Variants in KIAA1217 observed in about 807,000 individuals in gnomAD.
KIAA1217 encodes the protein sickle tail protein homolog.
In KIAA1217, 88 loss-of-function variants were observed where a neutral mutation model predicts 163.9. That is an observed-to-expected ratio of 0.54 (90% CI 0.45 to 0.64). The LOEUF is 0.64. KIAA1217 is among the 30% of genes least tolerant of loss of function. The pLI is 0.00. For missense variants in KIAA1217, 2,372 were observed against 2,475.0 expected, an observed-to-expected ratio of 0.96 and a Z score of 0.88; for synonymous variants, 903 against 923.1, an observed-to-expected ratio of 0.98 and a Z score of 0.39.
intron 10 of KIAA1217, among the ~76,000 whole-genome samples, chr10:24,515,047 A>G (rs2069842603): frequency 6.6e-6 from 1 of 151,984 alleles, no homozygotes; most frequent in South Asian, 2.1e-4. Flanking sequence ...AAACATTTAT[A>G]TAAATTTTCC....
chr10:24,528,568 A>G (rs780301120), intron 14 of KIAA1217, among the ~76,000 whole-genome samples: 3 of 152,012 alleles, frequency 2.0e-5, no homozygotes, highest in Non-Finnish European at 4.4e-5. Context: ...GCCTCAAGCA[A>G]TCCTCCCACC....
At chr10:24,263,209 G>T (rs895444911) in intron 2 of KIAA1217, among the ~76,000 whole-genome samples, 1 of 152,202 alleles carries the variant, frequency 6.6e-6, no homozygotes, top group Non-Finnish European at 1.5e-5. Context: ...CGGAAGATTA[G>T]CAACTATGCA....
intron 1 of KIAA1217, among the ~76,000 whole-genome samples, chr10:23,739,862 C>T (rs945528084): frequency 1.3e-5 from 2 of 152,064 alleles, no homozygotes; most frequent in African/African-American, 4.8e-5. Context: ...GAGTTCAGCT[C>T]TAGATATATT....
intron 2 of KIAA1217, among the ~76,000 whole-genome samples, chr10:24,283,014 G>A (rs1020353783): frequency 2.9e-4 from 44 of 151,582 alleles, no homozygotes; most frequent in Non-Finnish European, 4.4e-4. Context: ...TGTATTTTTA[G>A]TAGAGACGGG....
At chr10:24,208,922 G>C, upstream of KIAA1217, 1 of 232,228 alleles carries the variant, frequency 4.3e-6, no homozygotes, top group Non-Finnish European at 8.6e-6. Flanking sequence ...CCCAGTCCCC[G>C]GAGAGCGCGC....
chr10:24,065,050 G>T (rs1454659219), intron 2 of KIAA1217, among the ~76,000 whole-genome samples: 8 of 151,910 alleles, frequency 5.3e-5, no homozygotes, highest in East Asian at 1.9e-4. Flanking sequence ...TTATTAGTCT[G>T]GCTAGCGGTC....
At chr10:23,949,606 T>A (rs1353372912) in intron 1 of KIAA1217, among the ~76,000 whole-genome samples, 3 of 152,174 alleles carry the variant, frequency 2.0e-5, no homozygotes, top group African/African-American at 7.2e-5. Flanking sequence ...TTACCTTTTT[T>A]TAAGATTAAT....
chr10:24,504,208 G>C (rs1483300809), intron 9 of KIAA1217, among the ~76,000 whole-genome samples: 1 of 152,198 alleles, frequency 6.6e-6, no homozygotes, highest in Non-Finnish European at 1.5e-5. Context: ...GTCTAGGAAT[G>C]CTGTGTTAAC....
chr10:24,510,159 G>A (rs941885835), intron 9 of KIAA1217, among the ~76,000 whole-genome samples: 7 of 152,164 alleles, frequency 4.6e-5, no homozygotes, highest in Non-Finnish European at 8.8e-5. Context: ...GGAAATTGAT[G>A]AGTTGAATTC....
intron 2 of KIAA1217, among the ~76,000 whole-genome samples, chr10:24,320,964 G>A (rs1047977481): frequency 2.0e-5 from 3 of 151,698 alleles, no homozygotes; most frequent in Non-Finnish European, 2.9e-5. Context: ...GGAGAATGGC[G>A]TGAACCCAGG....
rs182812536 is a variant in KIAA1217 at position 24,435,927 on chromosome 10, C to G, written c.753-2459C>G. 4.2e-3 allele frequency among the ~76,000 whole-genome samples: 633 copies of G among 151,702 alleles called. 9 individuals are homozygous for G. The highest frequency in any genetic ancestry group is 0.015 in the African/African-American group (610 of 41,386). On this transcript the variant is annotated intron_variant, in intron 4 of 20. Transcript: ENST00000376454. ...CCAGGTTGGAGTGCAGTGGCATGAT[C>G]TCAGTTCACTGCAGCCACCACCTCC...
intron 4 of KIAA1217, 129 bp from the exon 5 acceptor site, chr10:24,438,257 C>T: frequency 1.6e-6 from 1 of 630,402 alleles, no homozygotes; most frequent in Non-Finnish European, 2.9e-6. Flanking sequence ...TAGCTTTTGA[C>T]TGGCGTACTG....
chr10:23,894,977 T>C (rs1051201750), intron 1 of KIAA1217, among the ~76,000 whole-genome samples: 4 of 152,102 alleles, frequency 2.6e-5, no homozygotes, highest in South Asian at 4.1e-4. Flanking sequence ...TTACACCTGA[T>C]ACAAAAATTA....
intron 2 of KIAA1217, among the ~76,000 whole-genome samples, chr10:24,077,093 T>C (rs1220798813): frequency 6.6e-6 from 1 of 152,138 alleles, no homozygotes; most frequent in Non-Finnish European, 1.5e-5. Context: ...GTCAGGCTGG[T>C]CTTGAACCCC....
At chr10:23,939,908 T>C (rs185729205) in intron 1 of KIAA1217, among the ~76,000 whole-genome samples, 61 of 150,186 alleles carry the variant, frequency 4.1e-4, no homozygotes, top group African/African-American at 1.4e-3. Context: ...TAAATATTAA[T>C]ATTTACTGTT....
chr10:23,761,530 A>T (rs1834259892), intron 1 of KIAA1217, among the ~76,000 whole-genome samples: 1 of 152,156 alleles, frequency 6.6e-6, no homozygotes, highest in Non-Finnish European at 1.5e-5. Context: ...ATTCAGGAGC[A>T]AGTTGTTCAA....
chr10:24,041,098 A>G (rs1438183972), intron 2 of KIAA1217, among the ~76,000 whole-genome samples: 1 of 152,216 alleles, frequency 6.6e-6, no homozygotes, highest in Non-Finnish European at 1.5e-5. Flanking sequence ...TCAACTGTAA[A>G]TGGGGAATAG....
At chr10:23,765,590 G>T (rs1834475759) in intron 1 of KIAA1217, among the ~76,000 whole-genome samples, 1 of 152,110 alleles carries the variant, frequency 6.6e-6, no homozygotes, top group Non-Finnish European at 1.5e-5. Flanking sequence ...TGGAGGGAGG[G>T]ATATGCTGGG....
At position 24,220,446 on chromosome 10, in the gene KIAA1217, C is replaced by CTTTTTT. The variant is rs530992369; in HGVS notation, c.354+558_354+563dup. On this transcript the variant is annotated intron_variant, in intron 2 of 20. Transcript: ENST00000376454. ...ACATTAGGGTTTTGTTTCTGCTCTT[C>CTTTTTT]TTTTTTTTTTTTTTTTTTTTTTTTT... Among the ~76,000 whole-genome samples, 39 of 103,090 alleles carry CTTTTTT rather than the reference C, an allele frequency of 3.8e-4. 5 individuals are homozygous for CTTTTTT. Among genetic ancestry groups the CTTTTTT allele is most frequent in the African/African-American group, 1.7e-3 (34 of 20,048 alleles). 67.6% of individuals were successfully genotyped at this position (103,090 alleles called of 152,430 possible).
Sources: allele counts gnomAD v4.1 joint callset (sites outside exome capture counted in the v4.1 genomes callset), GRCh38; gene constraint gnomAD v4.1.1; transcripts MANE v1.5; gene names NCBI Gene and HGNC (gene_info 2026-07-23, HGNC 2026-07-21).